Variants in TSHR observed in about 807,000 individuals in gnomAD.
The protein encoded by TSHR is thyroid stimulating hormone receptor.
TSHR carries 51 observed loss-of-function variants against 64.1 expected under a neutral mutation model. The ratio of observed to expected loss-of-function variants is 0.80; its 90% CI spans 0.64 to 1.01. The LOEUF is 1.01. Ranked by LOEUF, TSHR falls within the 50% of genes least tolerant of loss-of-function variation. The pLI is 0.00. For synonymous variants in TSHR, 361 were observed against 361.9 expected (o/e 1.00, Z 0.03); for missense variants, 877 against 942.8 (o/e 0.93, Z 0.91).
chr14:81,104,241 TGA>T, intron 7 of TSHR: 2 of 985,390 alleles, frequency 2.0e-6, no homozygotes, highest in Non-Finnish European at 2.4e-6. Context: ...TAAACTAACA[TGA>T]GAGGTAGGCA....
chr14:81,051,207 C>T (rs183134087), intron 1 of TSHR: 1 of 152,260 alleles, frequency 6.6e-6, no homozygotes, highest in Non-Finnish European at 1.5e-5. Flanking sequence ...AGAAGCAACT[C>T]CTTATCGAAT....
At chr14:80,960,683 C>T (rs890061023) in intron 1 of TSHR, among the ~76,000 whole-genome samples, 2 of 152,120 alleles carry the variant, frequency 1.3e-5, no homozygotes, top group African/African-American at 4.8e-5. Context: ...GTATTTAAAT[C>T]AGTCAAGGTT....
chr14:81,132,554 T>A (rs144254159), intron 8 of TSHR, among the ~76,000 whole-genome samples: 2 of 152,286 alleles, frequency 1.3e-5, no homozygotes, highest in African/African-American at 4.8e-5. Context: ...CAAATTCAGG[T>A]CCTGTTACTT....
rs3837640 is a variant in TSHR, at chr14:81,108,343, T to TTCTCTC, written c.615-24_615-19dup. Reference sequence around the variant, plus strand: ...TGATTTCTTAAAATCACCTAATTCATTCTCTCTCTCTCTTTCTCTCTCTCC... The same window carrying TTCTCTC: ...TGATTTCTTAAAATCACCTAATTCATTCTCTCTCTCTCTCTCTCTTTCTCTCTCTCC... On this transcript the variant is annotated intron_variant, in intron 7 of 9. Transcript: ENST00000298171. The TTCTCTC allele has an allele frequency of 8.9e-3, 12,506 of 1,412,210 alleles. 53 individuals are homozygous for TTCTCTC. The highest frequency in any genetic ancestry group is 0.01 in the Non-Finnish European group (10,548 of 1,008,940). The allele number at this position is 1,412,210 out of a possible 1,614,324, so 87.5% of individuals were successfully genotyped here. A position where few individuals can be genotyped will look rare whatever the true frequency, so the allele number is the denominator to read the frequency against.
intron 1 of TSHR, among the ~76,000 whole-genome samples, chr14:80,967,114 C>A (rs1887352595): frequency 6.7e-6 from 1 of 149,966 alleles, no homozygotes; most frequent in Non-Finnish European, 1.5e-5. Context: ...GAATAAGGAC[C>A]TGAAGAAGCT....
intron 1 of TSHR, among the ~76,000 whole-genome samples, chr14:80,981,612 T>A (rs901305243): frequency 2.0e-5 from 3 of 152,132 alleles, no homozygotes; most frequent in African/African-American, 7.2e-5. Flanking sequence ...CCTTTCTAGG[T>A]TCCTGTAGAG....
At chr14:81,116,127 G>A (rs1260270660) in intron 8 of TSHR, among the ~76,000 whole-genome samples, 3 of 151,728 alleles carry the variant, frequency 2.0e-5, no homozygotes, top group Non-Finnish European at 4.4e-5. Context: ...ATCAACTGAC[G>A]AGCAAAATAA....
chr14:81,104,522 G>C, intron 7 of TSHR: 9 of 985,362 alleles, frequency 9.1e-6, no homozygotes, highest in Non-Finnish European at 1.1e-5. Flanking sequence ...TTCTAAACCT[G>C]GTATAGAGGG....
chr14:81,062,818 C>T (rs1886336538), intron 2 of TSHR, among the ~76,000 whole-genome samples: 1 of 152,122 alleles, frequency 6.6e-6, no homozygotes, highest in Non-Finnish European at 1.5e-5. Context: ...TTGATTTTGA[C>T]AGGCAATCCA....
chr14:81,090,604 A>G (rs1888650823), intron 4 of TSHR, among the ~76,000 whole-genome samples: 1 of 148,702 alleles, frequency 6.7e-6, no homozygotes, highest in South Asian at 2.1e-4. Flanking sequence ...GCTGTAGGAA[A>G]GATATTCTTG....
At chr14:80,958,381 A>G (rs1407389983) in intron 1 of TSHR, 1 of 152,198 alleles carries the variant, frequency 6.6e-6, no homozygotes, top group Non-Finnish European at 1.5e-5. Flanking sequence ...TCAACTATGG[A>G]GCCTGCACCC....
intron 3 of TSHR, chr14:81,087,566 C>G (rs745724157): frequency 6.6e-4 from 193 of 290,536 alleles, no homozygotes; most frequent in Non-Finnish European, 6.2e-4. Flanking sequence ...CTCCAACACT[C>G]ATTGTCTTGG....
intron 1 of TSHR, among the ~76,000 whole-genome samples, chr14:80,998,133 C>G (rs1889119594): frequency 6.6e-6 from 1 of 151,940 alleles, no homozygotes; most frequent in African/African-American, 2.4e-5. Flanking sequence ...TGCCTTGATC[C>G]AAGACAAAAG....
At chr14:81,067,946 T>TATATATATATATATATATATATATACAC (rs1886767319) in intron 2 of TSHR, among the ~76,000 whole-genome samples, 2 of 141,058 alleles carry the variant, frequency 1.4e-5, no homozygotes, top group East Asian at 4.1e-4. Flanking sequence ...TATATATATA[T>TATATATATATATATATATATATATACAC]ATATATATCG....
At chr14:81,108,991 ATCAGTGATCAGGT>A in intron 8 of TSHR, 1 of 1,267,390 alleles carries the variant, frequency 7.9e-7, no homozygotes, top group Non-Finnish European at 1.0e-6. Flanking sequence ...CCCACATCCA[ATCAGTGATCAGGT>A]TCTATTGATT....
chr14:81,106,923 A>G (rs1889931255), intron 7 of TSHR: 1 of 143,090 alleles, frequency 7.0e-6, no homozygotes, highest in South Asian at 2.4e-4. Flanking sequence ...TGGGCGACAG[A>G]GTGAGACTCC....
At chr14:80,970,014 T>A (rs1048200764) in intron 1 of TSHR, among the ~76,000 whole-genome samples, 3 of 152,238 alleles carry the variant, frequency 2.0e-5, no homozygotes, top group African/African-American at 7.2e-5. Context: ...ACAGATGAAC[T>A]GACTGTGAAG....
chr14:81,013,644 C>T (rs1173877511), intron 1 of TSHR: 3 of 152,166 alleles, frequency 2.0e-5, no homozygotes, highest in African/African-American at 7.2e-5. Flanking sequence ...AGTAAGTTCT[C>T]ATGACATTGG....
chr14:81,087,300 A>C (rs1414117075), intron 3 of TSHR, among the ~76,000 whole-genome samples: 1 of 152,244 alleles, frequency 6.6e-6, no homozygotes, highest in Non-Finnish European at 1.5e-5. Context: ...GTGAGAGTTC[A>C]TTTCTAGCAG....
Sources: allele counts gnomAD v4.1 joint callset (sites outside exome capture counted in the v4.1 genomes callset), GRCh38; gene constraint gnomAD v4.1.1; transcripts MANE v1.5; gene names NCBI Gene and HGNC (gene_info 2026-07-23, HGNC 2026-07-21).